LONRF1: variants seen among roughly 807,000 people sequenced by gnomAD.
LONRF1 encodes LON peptidase N-terminal domain and ring finger 1, also known as LON peptidase N-terminal domain and RING finger protein 1.
A neutral mutation model predicts 85.8 loss-of-function variants in LONRF1; 37 were observed. That is an observed-to-expected ratio of 0.43 (90% CI 0.33 to 0.57). LONRF1 has a LOEUF of 0.57. LONRF1 is among the 20% of genes least tolerant of loss of function. LONRF1 has a pLI of 0.04. For synonymous variants in LONRF1, 517 were observed against 390.1 expected (o/e 1.33, Z -3.83); for missense variants, 1,036 against 978.0 (o/e 1.06, Z -0.79).
intron 3 of LONRF1, among the ~76,000 whole-genome samples, chr8:12,739,109 C>T (rs996642942): frequency 6.6e-6 from 1 of 152,006 alleles, no homozygotes; most frequent in African/African-American, 2.4e-5. Context: ...CACCCTAGAA[C>T]CCAGCAATTC....
chr8:12,736,570 A>C, intron 6 of LONRF1, 131 bp downstream of exon 6: 2 of 650,418 alleles, frequency 3.1e-6, no homozygotes, highest in Non-Finnish European at 5.0e-6. Context: ...ACCCAGGACT[A>C]AAATTCATGT....
At chr8:12,735,178 A>G in intron 7 of LONRF1, 108 bp downstream of exon 7, 1 of 709,146 alleles carries the variant, frequency 1.4e-6, no homozygotes, top group East Asian at 2.7e-5. Context: ...CACTCAGAAT[A>G]TAGAATGTAA....
At chr8:12,750,204 C>A (rs1031495493) in intron 1 of LONRF1, among the ~76,000 whole-genome samples, 5 of 152,142 alleles carry the variant, frequency 3.3e-5, no homozygotes, top group African/African-American at 9.7e-5. Flanking sequence ...GTGTATGGAT[C>A]AATTACGATA....
intron 1 of LONRF1, chr8:12,753,346 T>G (rs944050752): frequency 2.6e-5 from 4 of 152,218 alleles, no homozygotes; most frequent in Non-Finnish European, 5.9e-5. Context: ...AATTTACCTG[T>G]AATACCTAAA....
chr8:12,724,279 C>A (rs1563131602), intron 11 of LONRF1, among the ~76,000 whole-genome samples: 1 of 152,198 alleles, frequency 6.6e-6, no homozygotes, highest in Non-Finnish European at 1.5e-5. Flanking sequence ...AAGATTGTTG[C>A]AAAGTGTGGG....
intron 4 of LONRF1, chr8:12,737,347 G>A (rs771843819): frequency 1.6e-5 from 11 of 708,664 alleles, no homozygotes; most frequent in South Asian, 3.0e-5. Flanking sequence ...CTCTGCATCC[G>A]TGGGTTCATC....
intron 10 of LONRF1, 198 bp from the exon 11 acceptor site, chr8:12,726,077 A>G (rs2117221828): frequency 2.1e-6 from 1 of 483,586 alleles, no homozygotes; most frequent in East Asian, 3.0e-5. Flanking sequence ...AAGAAAGACA[A>G]CAAGGCCTGA....
intron 1 of LONRF1, among the ~76,000 whole-genome samples, chr8:12,746,390 T>C (rs1027791754): frequency 1.3e-5 from 2 of 152,204 alleles, no homozygotes; most frequent in African/African-American, 4.8e-5. Flanking sequence ...ACCATTCTAT[T>C]TCATGCCTCA....
At chr8:12,751,804 A>G (rs1799418442) in intron 1 of LONRF1, among the ~76,000 whole-genome samples, 1 of 152,084 alleles carries the variant, frequency 6.6e-6, no homozygotes, top group Non-Finnish European at 1.5e-5. Context: ...ATTAAACACA[A>G]AAGGCAGGCA....
chr8:12,740,242 G>C (rs543142199), intron 3 of LONRF1, among the ~76,000 whole-genome samples: 2 of 152,296 alleles, frequency 1.3e-5, no homozygotes, highest in South Asian at 4.1e-4. Flanking sequence ...GATATTCTGT[G>C]AATAAGTCTT....
At chr8:12,729,665 G>A (rs1461184862) in intron 8 of LONRF1, among the ~76,000 whole-genome samples, 1 of 151,984 alleles carries the variant, frequency 6.6e-6, no homozygotes, top group Non-Finnish European at 1.5e-5. Context: ...ATTAAAATCT[G>A]TTTTAAATAT....
At chr8:12,726,332 G>C (rs143277640) in intron 10 of LONRF1, among the ~76,000 whole-genome samples, 94 of 152,312 alleles carry the variant, frequency 6.2e-4, no homozygotes, top group African/African-American at 2.2e-3. Context: ...AACAGGAGGA[G>C]TCCAGGCACA....
In LONRF1 at chr8:12,738,386, A is replaced by G. The variant is rs148244947; in HGVS notation, c.964-242T>C. On this transcript the variant is annotated intron_variant, in intron 3 of 11. Coordinates refer to ENST00000398246, the MANE Select transcript of LONRF1 (RefSeq NM_152271.5). ...AACTTTGAAAGGAAAGCATGGGAGT[A>G]GTAAGACTCAGGATAAAGGCTGATC... Among the ~76,000 whole-genome samples the G allele has an allele frequency of 5.4e-4, 82 of 152,336 alleles. 2 individuals carry two copies. In the East Asian group the frequency reaches 0.015, roughly 28 times the overall value.
intron 7 of LONRF1, among the ~76,000 whole-genome samples, chr8:12,734,899 T>C (rs917796944): frequency 2.0e-5 from 3 of 152,190 alleles, no homozygotes; most frequent in Non-Finnish European, 4.4e-5. Flanking sequence ...AACAAAGTTG[T>C]TCTAGATGTT....
intron 3 of LONRF1, among the ~76,000 whole-genome samples, chr8:12,740,532 C>T (rs1798890706): frequency 6.6e-6 from 1 of 151,982 alleles, no homozygotes; most frequent in South Asian, 2.1e-4. Context: ...AAAGGTTAGA[C>T]CTGAAGTAAA....
At chr8:12,750,584 T>G (rs1304095298) in intron 1 of LONRF1, among the ~76,000 whole-genome samples, 1 of 152,238 alleles carries the variant, frequency 6.6e-6, no homozygotes, top group Non-Finnish European at 1.5e-5. Context: ...AAGGGGAAAC[T>G]ACTGTATTGT....
At chr8:12,741,249 G>T (rs963032083) in intron 2 of LONRF1, among the ~76,000 whole-genome samples, 1 of 151,962 alleles carries the variant, frequency 6.6e-6, no homozygotes, top group Non-Finnish European at 1.5e-5. Flanking sequence ...CCAGGCACGG[G>T]GGCATGCACC....
intron 1 of LONRF1, among the ~76,000 whole-genome samples, chr8:12,743,919 A>C (rs1310428019): frequency 6.6e-6 from 1 of 152,148 alleles, no homozygotes; most frequent in African/African-American, 2.4e-5. Context: ...TTTGTGATTC[A>C]TTTCACTATC....
At chr8:12,749,309 C>T (rs1241455948) in intron 1 of LONRF1, among the ~76,000 whole-genome samples, 1 of 151,908 alleles carries the variant, frequency 6.6e-6, no homozygotes, top group Non-Finnish European at 1.5e-5. Context: ...ACAGACAGCA[C>T]AAAGGTGGGT....
Sources: allele counts gnomAD v4.1 joint callset (sites outside exome capture counted in the v4.1 genomes callset), GRCh38; gene constraint gnomAD v4.1.1; transcripts MANE v1.5; gene names NCBI Gene and HGNC (gene_info 2026-07-23, HGNC 2026-07-21).